The following WSCD2 variants were observed in gnomAD, a reference collection of about 807,000 sequenced individuals.
The protein encoded by WSCD2 is WSC domain sialate O sulfotransferase 2, also known as sialate:O-sulfotransferase 2.
Under a neutral mutation model 55.7 loss-of-function variants are expected in WSCD2, and 28 were observed. The observed-to-expected ratio is 0.50, with a 90% confidence interval of 0.37 to 0.69. WSCD2 has a LOEUF of 0.69. WSCD2 is among the 30% of genes least tolerant of loss of function. The probability of loss-of-function intolerance (pLI) is 0.00; values close to 1 mark genes in which losing one functional copy is unlikely to be tolerated. For missense variants in WSCD2, 616 were observed against 762.1 expected (o/e 0.81, Z 2.26); for synonymous variants, 301 against 301.9 (o/e 1.00, Z 0.03).
At chr12:108,234,484 T>A (rs538790397) in intron 7 of WSCD2, among the ~76,000 whole-genome samples, 3 of 152,330 alleles carry the variant, frequency 2.0e-5, no homozygotes, top group African/African-American at 7.2e-5. Flanking sequence ...TATTTATTAA[T>A]TTCCAGTTTT....
intron 1 of WSCD2, among the ~76,000 whole-genome samples, chr12:108,182,339 A>T (rs776873830): frequency 6.6e-6 from 1 of 152,218 alleles, no homozygotes; most frequent in South Asian, 2.1e-4. Context: ...GCAGCGAGGC[A>T]TGACTGTCTC....
In WSCD2 at chr12:108,198,080, C is replaced by T. The variant is rs1477391470; in HGVS notation, c.382+1866C>T. On this transcript the variant is annotated intron_variant, in intron 2 of 8. Transcript: ENST00000547525. ...CCTACCCAGTCACAACCACAATCCC[C>T]GACTCTATTTTCATCATAACACTTA... 4.0e-5 allele frequency among the ~76,000 whole-genome samples: 6 copies of T among 151,574 alleles called. 1 individual carries two copies. The highest frequency in any genetic ancestry group is 2.6e-4 in the Admixed American group (4 of 15,186).
rs977092466 is a variant in WSCD2, at chr12:108,224,793, C to T, written c.737C>T (p.Ala246Val). The change falls in exon 5 of 9, where the codon GCC (alanine) becomes GTC (valine). Residue 246 changes from alanine (A) to valine (V), a missense_variant. Ala to Val is a moderately conservative substitution (Grantham distance 64). Coordinates refer to ENST00000547525, the MANE Select transcript of WSCD2 (RefSeq NM_014653.4). ...CFRRPDNLSL[A>V]LPVTAAMLNM... ...CGCAGGCCCGACAACCTTTCCCTGG[C>T]CTTACCCGTGACAGCTGCCATGCTG... 6.2e-7 allele frequency: 1 copy of T among 1,613,706 alleles called. No homozygotes were observed. The highest frequency in any genetic ancestry group is 8.5e-7 in the Non-Finnish European group (1 of 1,180,034).
At chr12:108,230,080 A>G (rs973536838) in intron 6 of WSCD2, among the ~76,000 whole-genome samples, 1 of 152,174 alleles carries the variant, frequency 6.6e-6, no homozygotes, top group African/African-American at 2.4e-5. Context: ...GGATGTTGTC[A>G]TTGGTTATAT....
chr12:108,183,331 G>T (rs1233691439), intron 1 of WSCD2, among the ~76,000 whole-genome samples: 1 of 152,172 alleles, frequency 6.6e-6, no homozygotes, highest in Non-Finnish European at 1.5e-5. Flanking sequence ...GTGGGAATAA[G>T]GATTCCTGCC....
chr12:108,202,103 G>C (rs567501190), intron 2 of WSCD2, among the ~76,000 whole-genome samples: 1 of 152,154 alleles, frequency 6.6e-6, no homozygotes, highest in Non-Finnish European at 1.5e-5. Context: ...CCTGAGGAAC[G>C]GCTGAAGAGG....
intron 1 of WSCD2, among the ~76,000 whole-genome samples, chr12:108,165,980 T>G (rs1355916658): frequency 6.6e-6 from 1 of 152,182 alleles, no homozygotes; most frequent in Non-Finnish European, 1.5e-5. Context: ...AGCACCAAAC[T>G]GAGATTTTTT....
chr12:108,160,910 G>A (rs928571224), intron 1 of WSCD2, among the ~76,000 whole-genome samples: 3 of 152,206 alleles, frequency 2.0e-5, no homozygotes, highest in Admixed American at 1.3e-4. Context: ...CCCTGGCCTT[G>A]TCCCACCACC....
At chr12:108,221,807 G>T (rs117101006) in intron 4 of WSCD2, among the ~76,000 whole-genome samples, 1 of 152,140 alleles carries the variant, frequency 6.6e-6, no homozygotes, top group Non-Finnish European at 1.5e-5. Context: ...CCCAGTCCTC[G>T]TTTATATGTG....
At chr12:108,244,649 A>T in intron 8 of WSCD2, 1 of 699,666 alleles carries the variant, frequency 1.4e-6, no homozygotes, top group South Asian at 1.5e-5. Context: ...TAATGTCTCC[A>T]AAGTCACATA....
chr12:108,191,013 C>T lies in WSCD2; in HGVS notation c.-551-4269C>T, dbSNP rs79765252. Among the ~76,000 whole-genome samples the T allele has an allele frequency of 6.6e-3, 1,006 of 152,278 alleles. 21 individuals carry two copies. Among genetic ancestry groups the T allele is most frequent in the African/African-American group, 0.023 (967 of 41,540 alleles). On this transcript the variant is annotated intron_variant, in intron 1 of 8. Coordinates refer to ENST00000547525, the MANE Select transcript of WSCD2 (RefSeq NM_014653.4). ...GAGAGATGAAGTCCCCTGTCTGGAC[C>T]TCACACCTGTAAGTGAATGACAGGA...
At chr12:108,215,155 T>C (rs1216146141) in intron 4 of WSCD2, among the ~76,000 whole-genome samples, 3 of 152,228 alleles carry the variant, frequency 2.0e-5, no homozygotes, top group Non-Finnish European at 4.4e-5. Context: ...AAGGGAATGA[T>C]AGAAAATATT....
chr12:108,186,288 A>G (rs919222427), intron 1 of WSCD2, among the ~76,000 whole-genome samples: 1 of 152,138 alleles, frequency 6.6e-6, no homozygotes, highest in Non-Finnish European at 1.5e-5. Context: ...CTCCTCCAAC[A>G]GCCTCCCCCT....
At chr12:108,240,283 G>A in intron 7 of WSCD2, 61 bp from the exon 8 acceptor site, 1 of 1,594,508 alleles carries the variant, frequency 6.3e-7, no homozygotes, top group Non-Finnish European at 8.6e-7. Context: ...AGAAGAGAGT[G>A]GGGTGGGCTT....
intron 1 of WSCD2, among the ~76,000 whole-genome samples, chr12:108,177,050 A>G (rs1167484995): frequency 6.6e-6 from 1 of 152,086 alleles, no homozygotes; most frequent in Non-Finnish European, 1.5e-5. Flanking sequence ...AGTTATAAGC[A>G]CGAGTTCTGC....
Position 108,196,037 on chromosome 12 carries a change from G to A in WSCD2, c.205G>A (p.Asp69Asn). The A allele has an allele frequency of 6.2e-7, 1 of 1,614,218 alleles. No individual in the cohort carries two copies. Among genetic ancestry groups the A allele is most frequent in the South Asian group, 1.1e-5 (1 of 91,078 alleles). Reference sequence around the variant, plus strand: ...GGGTGCTGAGCTGTCCTTCTTGGGTGACATGCATCTGGGCAGAGGTTTCCG... The same window carrying A: ...GGGTGCTGAGCTGTCCTTCTTGGGTAACATGCATCTGGGCAGAGGTTTCCG... ...AEGAELSFLG[D>N]MHLGRGFRDT... Residue 69 changes from aspartate (D) to asparagine (N), a missense_variant, in exon 2 of 9, where the codon GAC becomes AAC. Asp to Asn is a conservative substitution (Grantham distance 23, BLOSUM62 1). Transcript: ENST00000547525.
intron 3 of WSCD2, among the ~76,000 whole-genome samples, chr12:108,208,176 A>AG (rs1885663200): frequency 1.3e-5 from 2 of 152,194 alleles, no homozygotes; most frequent in African/African-American, 4.8e-5. Context: ...CCCTGTCCTC[A>AG]GGGGGGCTTC....
At chr12:108,169,800 G>A (rs1880039902) in intron 1 of WSCD2, among the ~76,000 whole-genome samples, 1 of 152,200 alleles carries the variant, frequency 6.6e-6, no homozygotes, top group Admixed American at 6.5e-5. Flanking sequence ...TGAGAGGAAA[G>A]GTAGCCAAAG....
intron 8 of WSCD2, among the ~76,000 whole-genome samples, chr12:108,241,313 C>T (rs888218088): frequency 6.6e-6 from 1 of 152,108 alleles, no homozygotes; most frequent in Admixed American, 6.6e-5. Flanking sequence ...AGAGCAGCCA[C>T]CCAGGGCAGT....
Sources: allele counts gnomAD v4.1 joint callset (sites outside exome capture counted in the v4.1 genomes callset), GRCh38; gene constraint gnomAD v4.1.1; transcripts MANE v1.5; gene names NCBI Gene and HGNC (gene_info 2026-07-23, HGNC 2026-07-21).